The following RHOV variants were observed in gnomAD, a reference collection of about 807,000 sequenced individuals.
The protein encoded by RHOV is ras homolog family member V, also known as rho-related GTP-binding protein RhoV.
A neutral mutation model predicts 20.2 loss-of-function variants in RHOV; 6 were observed. The observed-to-expected ratio is 0.30, with a 90% CI of 0.16 to 0.59. The LOEUF (loss-of-function observed/expected upper bound fraction) is 0.59. Among genes scored for constraint, RHOV ranks in the 20% least tolerant of loss-of-function variants. The pLI, the probability that RHOV is intolerant of heterozygous loss-of-function variation, is 0.89. For missense variants in RHOV, 275 were observed against 319.4 expected, an observed-to-expected ratio of 0.86 and a Z score of 1.06; for synonymous variants, 136 against 142.3, an observed-to-expected ratio of 0.96 and a Z score of 0.31.
At position 40,873,927 on chromosome 15, in the gene RHOV, C is replaced by G; in HGVS notation, c.208+5G>C. 1 of 1,607,736 alleles carries G rather than the reference C, an allele frequency of 6.2e-7. No individual in the cohort carries two copies. The highest frequency in any genetic ancestry group is 1.7e-5 in the Admixed American group (1 of 59,186). ...GCGGCCGCACGGGCGATTGAACGTACGTACCAGAGAAGGTGTCCAGCGCAG... is the reference window on the plus strand; with the variant it reads ...GCGGCCGCACGGGCGATTGAACGTAGGTACCAGAGAAGGTGTCCAGCGCAG... On this transcript the variant is annotated splice_donor_5th_base_variant and intron_variant, in intron 1 of 2. Coordinates refer to ENST00000220507, the MANE Select transcript of RHOV (RefSeq NM_133639.4).
rs199624762 is a variant in RHOV, at chr15:40,873,690, C to T, written c.261G>A (p.Ala87=). 7 of 1,614,038 alleles carry T rather than the reference C, an allele frequency of 4.3e-6. No homozygotes were observed. The highest frequency in any genetic ancestry group is 2.2e-5 in the East Asian group (1 of 44,874). The change falls in exon 2 of 3, where the codon GCG becomes GCA. Residue 87 remains alanine, a synonymous_variant. Transcript: ENST00000220507. ...APVRIELWDT[A]GQEDFDRLRS... ...GCCGCGCCCAGCTTCTCACCTGTCC[C>T]GCTGTGTCCCAGAGCTCAATGCGCA...
chr15:40,873,641 C>T, intron 2 of RHOV, 43 bp downstream of exon 2: 1 of 1,608,344 alleles, frequency 6.2e-7, no homozygotes, highest in Non-Finnish European at 8.5e-7. Context: ...AGCCTCCAGC[C>T]CATCTCCCCG....
chr15:40,873,388 G>A lies in RHOV; in HGVS notation c.381C>T (p.Pro127=), dbSNP rs1235145029. 3 of 1,613,226 alleles carry A rather than the reference G, an allele frequency of 1.9e-6. No individual in the cohort carries two copies. Among genetic ancestry groups the A allele is most frequent in the Admixed American group, 1.7e-5 (1 of 60,008 alleles). The change falls in exon 3 of 3, where the codon CCC becomes CCT. Residue 127 remains proline (P), a synonymous_variant. Coordinates refer to ENST00000220507, the MANE Select transcript of RHOV (RefSeq NM_133639.4). ...CCTGGGGGTTGTGCGTGCGGATCTC[G>A]GGCAGCCATTTCTCTGTGATGTTTT... ...SFQNITEKWL[P]EIRTHNPQAP... is the part of the protein sequence containing the mutation.
At position 40,873,966 on chromosome 15, in the gene RHOV, C is replaced by A. The variant is rs1390142341; in HGVS notation, c.174G>T (p.Ala58=). The part of the protein sequence containing the change: ...IVSYTCNGYP[A]RYRPTALDTF... ...TGTCCAGCGCAGTGGGCCGGTAGCG[C>A]GCGGGGTACCCATTGCAGGTGTAGC... The change falls in exon 1 of 3, where the codon GCG becomes GCT. Residue 58 remains alanine, a synonymous_variant. Coordinates refer to ENST00000220507, the MANE Select transcript of RHOV (RefSeq NM_133639.4). 1 of 1,611,212 alleles carries A rather than the reference C, an allele frequency of 6.2e-7. No homozygotes were observed. Among genetic ancestry groups the A allele is most frequent in the Admixed American group, 1.7e-5 (1 of 59,898 alleles).
In RHOV at chr15:40,873,505, G is replaced by T; in HGVS notation, c.268-4C>A. ...AACGAAGTCGGTCAAAATCCTCCTG[G>T]GGTGGGAAGGCCAGGTGGTAAGGAT... On this transcript the variant is annotated splice_polypyrimidine_tract_variant and splice_region_variant and intron_variant, in intron 2 of 2. Transcript: ENST00000220507. 1 of 1,593,210 alleles carries T rather than the reference G, an allele frequency of 6.3e-7. No individual in the cohort carries two copies. The highest frequency in any genetic ancestry group is 8.5e-7 in the Non-Finnish European group (1 of 1,169,630).
chr15:40,872,923 C>T lies in RHOV; in HGVS notation c.*135G>A. 1.5e-6 allele frequency: 1 copy of T among 658,960 alleles called. No individual in the cohort carries two copies. Among genetic ancestry groups the T allele is most frequent in the Admixed American group, 2.7e-5 (1 of 37,502 alleles). The allele number at this position is 658,960 out of a possible 1,614,324, so 40.8% of individuals were successfully genotyped here. A position where few individuals can be genotyped will look rare whatever the true frequency, so the allele number is the denominator to read the frequency against. ...GAGTGGGCAGTTAGAGGCCCATGTCCCCCGAGTGTTCAGAAGGGAACTGAG... is the reference window on the plus strand; with the variant it reads ...GAGTGGGCAGTTAGAGGCCCATGTCTCCCGAGTGTTCAGAAGGGAACTGAG... On this transcript the variant is annotated 3_prime_UTR_variant, in exon 3 of 3. Coordinates refer to ENST00000220507, the MANE Select transcript of RHOV (RefSeq NM_133639.4).
In RHOV at chr15:40,873,214, C is replaced by T. The variant is rs892639243; in HGVS notation, c.555G>A (p.Glu185=). The change falls in exon 3 of 3, where the codon GAG becomes GAA. Residue 185 remains glutamate, a synonymous_variant. Transcript: ENST00000220507. ...AEKIRACCYL[E]CSALTQKNLK... ...AGTTCTTCTGCGTCAAGGCTGAGCA[C>T]TCAAGGTAGCAGCAGGCTCGGATCT... The T allele has an allele frequency of 9.3e-6, 15 of 1,614,244 alleles. No homozygotes were observed. The highest frequency in any genetic ancestry group is 1.3e-5 in the Non-Finnish European group (15 of 1,180,046).
In RHOV at chr15:40,873,208, T is replaced by G. The variant is rs1891910755; in HGVS notation, c.561A>C (p.Ser187=). 6.2e-7 allele frequency: 1 copy of G among 1,614,148 alleles called. No homozygotes were observed. Among genetic ancestry groups the G allele is most frequent in the South Asian group, 1.1e-5 (1 of 91,096 alleles). ...CCTTCAAGTTCTTCTGCGTCAAGGC[T>G]GAGCACTCAAGGTAGCAGCAGGCTC... The part of the protein sequence containing the change: ...KIRACCYLEC[S]ALTQKNLKEV... Residue 187 remains serine, a synonymous_variant, in exon 3 of 3, where the codon TCA becomes TCC. Coordinates refer to ENST00000220507, the MANE Select transcript of RHOV (RefSeq NM_133639.4).
Position 40,873,924 on chromosome 15 carries a change from G to A in RHOV, c.208+8C>T. ...CACGCGGCCGCACGGGCGATTGAAC[G>A]TACGTACCAGAGAAGGTGTCCAGCG... On this transcript the variant is annotated splice_region_variant and intron_variant, in intron 1 of 2. Coordinates refer to ENST00000220507, the MANE Select transcript of RHOV (RefSeq NM_133639.4). The A allele has an allele frequency of 1.9e-6, 3 of 1,607,176 alleles. No homozygotes were observed. In the South Asian group the frequency reaches 3.3e-5, roughly 18 times the overall value.
rs1285015391 is a variant in RHOV, at chr15:40,873,261, G to C, written c.508C>G (p.Gln170Glu). 3 of 1,614,046 alleles carry C rather than the reference G, an allele frequency of 1.9e-6. No homozygotes were observed. Among genetic ancestry groups the C allele is most frequent in the Non-Finnish European group, 2.5e-6 (3 of 1,180,050 alleles). Residue 170 changes from glutamine (Q) to glutamate (E), a missense_variant, in exon 3 of 3, where the codon CAG becomes GAG. Coordinates refer to ENST00000220507, the MANE Select transcript of RHOV (RefSeq NM_133639.4). ...ATCTTCTCGGCCAGACCCTGAGCCT[G>C]GGGTTGGGGCACGGGGCCCTCCCGG... is the stretch of plus-strand genomic sequence containing the variant. ...GGREGPVPQP[Q>E]AQGLAEKIRA...
chr15:40,873,047 G>C lies in RHOV; in HGVS notation c.*11C>G. The C allele has an allele frequency of 6.2e-7, 1 of 1,605,090 alleles. No individual in the cohort carries two copies. Among genetic ancestry groups the C allele is most frequent in the Non-Finnish European group, 8.5e-7 (1 of 1,173,096 alleles). ...CCTCCTGCCTACTACTTGCTATGCA[G>C]CCATAGCTGCTCAAACGAAGCAGAA... On this transcript the variant is annotated 3_prime_UTR_variant, in exon 3 of 3. Coordinates refer to ENST00000220507, the MANE Select transcript of RHOV (RefSeq NM_133639.4).
In RHOV at chr15:40,873,952, G is replaced by A; in HGVS notation, c.188C>T (p.Thr63Ile). Residue 63 changes from threonine to isoleucine, a missense_variant, in exon 1 of 3, where the codon ACT becomes ATT. Transcript: ENST00000220507. ...CNGYPARYRP[T>I]ALDTFSVQVL... ...CGTACCAGAGAAGGTGTCCAGCGCA[G>A]TGGGCCGGTAGCGCGCGGGGTACCC... The A allele has an allele frequency of 6.2e-7, 1 of 1,611,242 alleles. No individual in the cohort carries two copies. The highest frequency in any genetic ancestry group is 8.5e-7 in the Non-Finnish European group (1 of 1,179,120).
chr15:40,873,564 C>A lies in RHOV; in HGVS notation c.268-63G>T, dbSNP rs3803351. 5.0e-6 allele frequency: 8 copies of A among 1,590,322 alleles called. 1 individual carries two copies. Among genetic ancestry groups the A allele is most frequent in the Admixed American group, 3.3e-5 (2 of 59,818 alleles). On this transcript the variant is annotated intron_variant, in intron 2 of 2. Transcript: ENST00000220507. ...CGACACATGGAATCCATTTCTCACCCGGGGCTGGAAACCTGAGACTCCAAG... is the reference window on the plus strand; with the variant it reads ...CGACACATGGAATCCATTTCTCACCAGGGGCTGGAAACCTGAGACTCCAAG...
intron 1 of RHOV, 64 bp from the exon 2 acceptor site, chr15:40,873,806 C>T: frequency 1.3e-6 from 2 of 1,578,798 alleles, no homozygotes; most frequent in East Asian, 2.2e-5. Context: ...CCAGCGCCAC[C>T]TCGGGGCCTG....
At position 40,873,035 on chromosome 15, in the gene RHOV, A is replaced by G. The variant is rs111908877; in HGVS notation, c.*23T>C. On this transcript the variant is annotated 3_prime_UTR_variant, in exon 3 of 3. Transcript: ENST00000220507. ...AGAAGTCTTTGGCCTCCTGCCTACT[A>G]CTTGCTATGCAGCCATAGCTGCTCA... is the stretch of plus-strand genomic sequence containing the variant. 8.6e-3 allele frequency: 13,653 copies of G among 1,592,136 alleles called. 88 individuals carry two copies. The highest frequency in any genetic ancestry group is 0.018 in the Middle Eastern group (109 of 5,964).
In RHOV at chr15:40,873,141, C is replaced by T; in HGVS notation, c.628G>A (p.Ala210Thr). 1 of 1,614,270 alleles carries T rather than the reference C, an allele frequency of 6.2e-7. No homozygotes were observed. Among genetic ancestry groups the T allele is most frequent in the South Asian group, 1.1e-5 (1 of 91,092 alleles). The stretch of plus-strand genomic sequence containing the variant: ...GCATTCAGTTTCTTCTCCAGCCGGG[C>T]TTTGTGCTCAATGGCACTGAGAATA... ...SAILSAIEHK[A>T]RLEKKLNAKG... Residue 210 changes from alanine (A) to threonine (T), a missense_variant, in exon 3 of 3, where the codon GCC becomes ACC. Coordinates refer to ENST00000220507, the MANE Select transcript of RHOV (RefSeq NM_133639.4).
At position 40,873,409 on chromosome 15, in the gene RHOV, G is replaced by A. The variant is rs1275518327; in HGVS notation, c.360C>T (p.Asn120=). Reference sequence around the variant, plus strand: ...TCTCGGGCAGCCATTTCTCTGTGATGTTTTGAAAGGAGCTGGGCTGCACCA... The same window carrying A: ...TCTCGGGCAGCCATTTCTCTGTGATATTTTGAAAGGAGCTGGGCTGCACCA... ...FSVVQPSSFQ[N]ITEKWLPEIR... Residue 120 remains asparagine (N), a synonymous_variant, in exon 3 of 3, where the codon AAC becomes AAT. Transcript: ENST00000220507. The A allele has an allele frequency of 6.2e-7, 1 of 1,613,070 alleles. No homozygotes were observed. The highest frequency in any genetic ancestry group is 2.2e-5 in the East Asian group (1 of 44,858).
rs747688932 is a variant in RHOV, at chr15:40,873,034, T to C, written c.*24A>G. On this transcript the variant is annotated 3_prime_UTR_variant, in exon 3 of 3. Coordinates refer to ENST00000220507, the MANE Select transcript of RHOV (RefSeq NM_133639.4). ...CAGAAGTCTTTGGCCTCCTGCCTAC[T>C]ACTTGCTATGCAGCCATAGCTGCTC... 3.8e-6 allele frequency: 6 copies of C among 1,591,096 alleles called. No individual in the cohort carries two copies. In the South Asian group the frequency reaches 6.7e-5, roughly 18 times the overall value.
At position 40,874,215 on chromosome 15, in the gene RHOV, C is replaced by T; in HGVS notation, c.-76G>A. The T allele has an allele frequency of 1.7e-6, 1 of 579,908 alleles. No individual in the cohort carries two copies. The highest frequency in any genetic ancestry group is 2.7e-6 in the Non-Finnish European group (1 of 373,444). The allele number at this position is 579,908 out of a possible 1,614,324, so 35.9% of individuals were successfully genotyped here. On this transcript the variant is annotated 5_prime_UTR_variant, in exon 1 of 3. Coordinates refer to ENST00000220507, the MANE Select transcript of RHOV (RefSeq NM_133639.4). ...CGCTCGGTGAAGCAGGTCCCGCTGG[C>T]TGCCTCTGACTGAATGGGTCCAGGC...
Sources: allele counts gnomAD v4.1 joint callset, GRCh38; gene constraint gnomAD v4.1.1; transcripts MANE v1.5; gene names NCBI Gene and HGNC (gene_info 2026-07-23, HGNC 2026-07-21).